SOX5: variants seen among roughly 807,000 people sequenced by gnomAD.
SOX5 encodes transcription factor SOX-5.
SOX5 carries 9 observed loss-of-function variants against 92.0 expected under a neutral mutation model. That is an observed-to-expected ratio of 0.10 (90% CI 0.06 to 0.17). The LOEUF (loss-of-function observed/expected upper bound fraction) is 0.17, where lower values mean the gene tolerates loss of function less well. Ranked by LOEUF, SOX5 falls within the 10% of genes least tolerant of loss-of-function variation. The pLI is 1.00. For missense variants in SOX5, 642 were observed against 944.5 expected (o/e 0.68, Z 4.20); for synonymous variants, 344 against 336.3 (o/e 1.02, Z -0.25).
rs1004278810 is a variant in SOX5 at position 24,260,012 on chromosome 12, A to G, written c.-77+17204T>C. ...TAAAGAAAAAAACCCAAATAGAATT[A>G]CAAGCACAAAGAGATGTAGAAATAA... is the stretch of plus-strand genomic sequence containing the variant. On this transcript the variant is annotated intron_variant, in intron 3 of 4. Coordinates refer to the SOX5 transcript ENST00000446891. Among the ~76,000 whole-genome samples the G allele has an allele frequency of 4.6e-5, 7 of 152,374 alleles. No homozygotes were observed. In the South Asian group the frequency reaches 1.2e-3, roughly 27 times the overall value.
At chr12:24,412,540 G>A (rs1964292699) in intron 1 of SOX5, among the ~76,000 whole-genome samples, 2 of 151,762 alleles carry the variant, frequency 1.3e-5, no homozygotes, top group South Asian at 2.1e-4. Context: ...GTTACCCATG[G>A]ATTATTTACA....
intron 1 of SOX5, among the ~76,000 whole-genome samples, chr12:24,510,724 G>C (rs1408770562): frequency 6.6e-6 from 1 of 152,188 alleles, no homozygotes; most frequent in Non-Finnish European, 1.5e-5. Context: ...AAATCAAGAA[G>C]TCAAAGGCAC....
At chr12:24,065,072 T>C (rs1339669982) in intron 4 of SOX5, among the ~76,000 whole-genome samples, 2 of 152,196 alleles carry the variant, frequency 1.3e-5, no homozygotes, top group Non-Finnish European at 1.5e-5. Context: ...TACTGAAGAA[T>C]GGCACTGTGC....
intron 8 of SOX5, among the ~76,000 whole-genome samples, chr12:23,607,748 A>C (rs2075419536): frequency 1.3e-5 from 2 of 152,204 alleles, no homozygotes; most frequent in Admixed American, 1.3e-4. Context: ...GGCCACCTGA[A>C]ATAACAAGCA....
chr12:23,824,901 C>G (rs1455050489), intron 3 of SOX5, among the ~76,000 whole-genome samples: 1 of 152,138 alleles, frequency 6.6e-6, no homozygotes, highest in Non-Finnish European at 1.5e-5. Flanking sequence ...GTGGTTTAAA[C>G]CGCCTACTCA....
chr12:23,903,400 C>T (rs1316108012), intron 1 of SOX5, among the ~76,000 whole-genome samples: 1 of 152,100 alleles, frequency 6.6e-6, no homozygotes, highest in Non-Finnish European at 1.5e-5. Context: ...GCCTGCAAAA[C>T]TGGGAGACTC....
chr12:24,397,762 C>T (rs563672253), intron 1 of SOX5, among the ~76,000 whole-genome samples: 1 of 152,026 alleles, frequency 6.6e-6, no homozygotes, highest in African/African-American at 2.4e-5. Context: ...TCCCTGACCA[C>T]AACTCTTTAA....
intron 1 of SOX5, among the ~76,000 whole-genome samples, chr12:24,437,344 G>T (rs1484544488): frequency 6.6e-6 from 1 of 152,148 alleles, no homozygotes; most frequent in Non-Finnish European, 1.5e-5. Context: ...AGACTTAAAT[G>T]TGAGACCTAG....
At chr12:24,301,869 C>T (rs1947995708) in intron 2 of SOX5, among the ~76,000 whole-genome samples, 1 of 152,054 alleles carries the variant, frequency 6.6e-6, no homozygotes, top group African/African-American at 2.4e-5. Flanking sequence ...AATATTTTCC[C>T]CCAATTCTGT....
intron 4 of SOX5, among the ~76,000 whole-genome samples, chr12:24,012,029 G>A (rs977837170): frequency 1.3e-5 from 2 of 152,080 alleles, no homozygotes; most frequent in African/African-American, 4.8e-5. Flanking sequence ...AGAGGTCCAT[G>A]CGTTCTTTAG....
At chr12:23,889,102 C>A (rs909031903) in intron 2 of SOX5, among the ~76,000 whole-genome samples, 4 of 152,118 alleles carry the variant, frequency 2.6e-5, no homozygotes, top group Admixed American at 6.5e-5. Flanking sequence ...CATTCCACAT[C>A]GTTCAAAAGT....
intron 1 of SOX5, among the ~76,000 whole-genome samples, chr12:24,395,497 T>A (rs1311992376): frequency 6.6e-6 from 1 of 152,222 alleles, no homozygotes; most frequent in East Asian, 1.9e-4. Flanking sequence ...TTACTTTCCT[T>A]ACCTATGAAG....
intron 4 of SOX5, among the ~76,000 whole-genome samples, chr12:24,057,648 T>A (rs1207058738): frequency 6.6e-6 from 1 of 152,192 alleles, no homozygotes; most frequent in African/African-American, 2.4e-5. Flanking sequence ...CTTTCTTAAT[T>A]TTCTTCAATA....
chr12:23,957,188 C>T (rs1186268306), intron 4 of SOX5, among the ~76,000 whole-genome samples: 1 of 152,028 alleles, frequency 6.6e-6, no homozygotes, highest in African/African-American at 2.4e-5. Flanking sequence ...ATTCATACAG[C>T]AATATAAGAC....
At chr12:24,170,555 T>C (rs1450862751) in intron 4 of SOX5, among the ~76,000 whole-genome samples, 1 of 152,218 alleles carries the variant, frequency 6.6e-6, no homozygotes, top group Non-Finnish European at 1.5e-5. Flanking sequence ...TGATGGCATT[T>C]GCAGCCCACT....
At chr12:24,269,688 C>CTTTT (rs58098308) in intron 3 of SOX5, among the ~76,000 whole-genome samples, 6 of 116,724 alleles carry the variant, frequency 5.1e-5, no homozygotes, top group East Asian at 2.4e-4. Flanking sequence ...TATTTTTATT[C>CTTTT]TTTTTTTTTT....
chr12:24,509,137 T>G (rs1949072110), intron 1 of SOX5, among the ~76,000 whole-genome samples: 1 of 152,204 alleles, frequency 6.6e-6, no homozygotes, highest in Non-Finnish European at 1.5e-5. Context: ...ACCATGAGCA[T>G]GTCATTTAAC....
chr12:23,724,161 T>C (rs1485425442), intron 6 of SOX5, among the ~76,000 whole-genome samples: 1 of 152,170 alleles, frequency 6.6e-6, no homozygotes, highest in Non-Finnish European at 1.5e-5. Context: ...CCAATTAGTC[T>C]TATTTTCTAG....
At chr12:24,105,308 A>G (rs1946550802) in intron 4 of SOX5, among the ~76,000 whole-genome samples, 1 of 152,200 alleles carries the variant, frequency 6.6e-6, no homozygotes. Flanking sequence ...TGGGATGTCA[A>G]GGTGGGCAGA....
Sources: gnomAD v4.1 joint callset for allele counts (sites outside exome capture counted in the v4.1 genomes callset) on GRCh38, gnomAD v4.1.1 for gene constraint, MANE v1.5 for transcripts, NCBI Gene and HGNC (gene_info 2026-07-23, HGNC 2026-07-21) for gene names.